N4BP2: variants seen among roughly 807,000 people sequenced by gnomAD.
The protein encoded by N4BP2 is NEDD4 binding protein 2.
Under a neutral mutation model 152.8 loss-of-function variants are expected in N4BP2, and 91 were observed. That is an observed-to-expected ratio of 0.60 (90% CI 0.50 to 0.71). N4BP2 has a LOEUF of 0.71. Ranked by LOEUF, N4BP2 falls within the 30% of genes least tolerant of loss-of-function variation. The pLI is 0.00. For synonymous variants in N4BP2, 646 were observed against 705.3 expected (o/e 0.92, Z 1.33); for missense variants, 1,923 against 2,059.1 (o/e 0.93, Z 1.28).
chr4:40,163,993 A>T, the N4BP2 span, among the ~76,000 whole-genome samples: 1 of 152,212 alleles, frequency 6.6e-6, no homozygotes, highest in South Asian at 2.1e-4. Context: ...TTCTCCAGCA[A>T]TTCTCAGGAA....
the N4BP2 span, among the ~76,000 whole-genome samples, chr4:40,187,221 G>T: frequency 6.6e-6 from 1 of 152,102 alleles, no homozygotes; most frequent in Non-Finnish European, 1.5e-5. Flanking sequence ...GAAAACTTAA[G>T]GAGTGTGCTG....
intron 13 of N4BP2, among the ~76,000 whole-genome samples, chr4:40,133,014 C>T (rs560492017): frequency 5.3e-5 from 8 of 151,986 alleles, no homozygotes; most frequent in East Asian, 3.9e-4. Context: ...ACTGGCAGCC[C>T]GCCATTTTTC....
rs1180951439 is a variant in N4BP2, at chr4:40,155,619, G to T, written c.*1382G>T. On this transcript the variant is annotated 3_prime_UTR_variant, in exon 18 of 18. Transcript: ENST00000261435. ...GTGGTAAGGTATAATTTTCCAATAT[G>T]AGACAATGGCTTAAATTTGCCTTTG... The T allele has an allele frequency of 6.6e-6, 1 of 152,134 alleles. No homozygotes were observed. The highest frequency in any genetic ancestry group is 1.5e-5 in the Non-Finnish European group (1 of 68,018). 9.4% of individuals were successfully genotyped at this position (152,134 alleles called of 1,614,324 possible). A position where few individuals can be genotyped will look rare whatever the true frequency, so the allele number is the denominator to read the frequency against.
At chr4:40,092,428 G>C (rs1405481504) in intron 2 of N4BP2, among the ~76,000 whole-genome samples, 1 of 151,668 alleles carries the variant, frequency 6.6e-6, no homozygotes, top group East Asian at 1.9e-4. Context: ...ACTTTTGTGT[G>C]TTCATAGTTT....
At chr4:40,103,916 C>T (rs1183017138) in intron 4 of N4BP2, among the ~76,000 whole-genome samples, 1 of 152,074 alleles carries the variant, frequency 6.6e-6, no homozygotes. Flanking sequence ...CCTGCTTAAC[C>T]TTTAAATTCC....
chr4:40,183,951 G>A, the N4BP2 span, among the ~76,000 whole-genome samples: 1 of 152,126 alleles, frequency 6.6e-6, no homozygotes, highest in East Asian at 1.9e-4. Context: ...TACTTTAACT[G>A]GTGAGGAGGA....
chr4:40,091,228 C>G (rs1714509453), intron 2 of N4BP2, among the ~76,000 whole-genome samples: 1 of 151,938 alleles, frequency 6.6e-6, no homozygotes, highest in Non-Finnish European at 1.5e-5. Flanking sequence ...TTTATTTCTT[C>G]TTCCCTAATC....
chr4:40,075,572 A>G (rs1470449500), intron 2 of N4BP2, among the ~76,000 whole-genome samples: 1 of 151,624 alleles, frequency 6.6e-6, no homozygotes, highest in African/African-American at 2.4e-5. Context: ...TAATTTTTGT[A>G]TTTTTAGTAG....
rs1019726723 is a variant in N4BP2 at position 40,103,285 on chromosome 4, A to G, written c.1373+67A>G. ...TGAATTTGAACACAAGTATGAATAA[A>G]TAGGCAAAATGCTTTGCTTAGTAGA... is the stretch of plus-strand genomic sequence containing the variant. On this transcript the variant is annotated intron_variant, in intron 4 of 17. Transcript: ENST00000261435. The G allele has an allele frequency of 2.2e-6, 3 of 1,358,042 alleles. No homozygotes were observed. In the East Asian group the frequency reaches 6.9e-5, roughly 31 times the overall value. 84.1% of individuals were successfully genotyped at this position (1,358,042 alleles called of 1,614,324 possible).
At chr4:40,158,791 A>G (rs563962063), downstream of N4BP2, among the ~76,000 whole-genome samples, 2 of 152,260 alleles carry the variant, frequency 1.3e-5, no homozygotes, top group Admixed American at 1.3e-4. Flanking sequence ...AGAATCTCTT[A>G]GAGACTCAAG....
At chr4:40,070,861 A>G (rs1022487507) in intron 1 of N4BP2, among the ~76,000 whole-genome samples, 4 of 148,118 alleles carry the variant, frequency 2.7e-5, no homozygotes, top group East Asian at 2.0e-4. Context: ...GTCTTGCTCT[A>G]TCACCCAGGC....
At chr4:40,169,481 A>G in the N4BP2 span, among the ~76,000 whole-genome samples, 1 of 151,758 alleles carries the variant, frequency 6.6e-6, no homozygotes, top group Non-Finnish European at 1.5e-5. Context: ...AAGATTTAAA[A>G]ATAATTATTT....
chr4:40,110,256 T>C (rs1329064334), intron 5 of N4BP2, among the ~76,000 whole-genome samples: 1 of 152,246 alleles, frequency 6.6e-6, no homozygotes, highest in African/African-American at 2.4e-5. Context: ...TTTTTGGCTA[T>C]TAAGAACAGT....
intron 2 of N4BP2, among the ~76,000 whole-genome samples, chr4:40,077,547 G>A (rs1277817446): frequency 1.3e-5 from 2 of 151,426 alleles, no homozygotes; most frequent in East Asian, 1.9e-4. Context: ...TCTGCCTCCC[G>A]GATTCAAGCG....
chr4:40,150,314 G>A (rs570351682), intron 16 of N4BP2, among the ~76,000 whole-genome samples: 2 of 152,256 alleles, frequency 1.3e-5, no homozygotes, highest in South Asian at 4.1e-4. Context: ...ATTTACAGGG[G>A]ACAGAGGAAC....
At chr4:40,107,595 G>A (rs1268539068) in intron 5 of N4BP2, among the ~76,000 whole-genome samples, 1 of 151,656 alleles carries the variant, frequency 6.6e-6, no homozygotes, top group Non-Finnish European at 1.5e-5. Flanking sequence ...TGTTGGCCAG[G>A]CTGGTCTCGA....
intron 2 of N4BP2, among the ~76,000 whole-genome samples, chr4:40,082,787 G>C (rs560266961): frequency 6.6e-6 from 1 of 151,586 alleles, no homozygotes; most frequent in African/African-American, 2.4e-5. Context: ...TGCAAGCTCT[G>C]CCGCCCGGGT....
At chr4:40,183,471 G>C in the N4BP2 span, among the ~76,000 whole-genome samples, 1 of 152,026 alleles carries the variant, frequency 6.6e-6, no homozygotes, top group Non-Finnish European at 1.5e-5. Flanking sequence ...GAGTAGCTGG[G>C]ACTACAGGAG....
rs1477455878 is a variant in N4BP2, at chr4:40,127,805, T to A, written c.4527+1475T>A. Among the ~76,000 whole-genome samples, 4 of 152,182 alleles carry A rather than the reference T, an allele frequency of 2.6e-5. No homozygotes were observed. The East Asian group carries it at 7.7e-4, about 29-fold the overall frequency. On this transcript the variant is annotated intron_variant, in intron 12 of 17. Coordinates refer to ENST00000261435, the MANE Select transcript of N4BP2 (RefSeq NM_018177.6). ...CCTCCTGAGTATCTGGAACTACAGGTGCCTGCCACCGCGCCCGGCTAATTT... is the reference window on the plus strand; with the variant it reads ...CCTCCTGAGTATCTGGAACTACAGGAGCCTGCCACCGCGCCCGGCTAATTT...
Sources: allele counts gnomAD v4.1 joint callset (sites outside exome capture counted in the v4.1 genomes callset), GRCh38; gene constraint gnomAD v4.1.1; transcripts MANE v1.5; gene names NCBI Gene and HGNC (gene_info 2026-07-23, HGNC 2026-07-21).